Variants in CAP2 observed in about 807,000 individuals in gnomAD.
CAP2 encodes the protein cyclase associated actin cytoskeleton regulatory protein 2.
CAP2 carries 24 observed loss-of-function variants against 57.7 expected under a neutral mutation model. The observed-to-expected ratio is 0.42, with a 90% CI of 0.30 to 0.58. CAP2 has a LOEUF of 0.58. Among genes scored for constraint, CAP2 ranks in the 20% least tolerant of loss-of-function variants. The probability of loss-of-function intolerance (pLI) is 0.22; values close to 1 mark genes in which losing one functional copy is unlikely to be tolerated. For missense variants in CAP2, 501 were observed against 590.3 expected, an observed-to-expected ratio of 0.85 and a Z score of 1.57; for synonymous variants, 194 against 207.2, an observed-to-expected ratio of 0.94 and a Z score of 0.55.
intron 4 of CAP2, among the ~76,000 whole-genome samples, chr6:17,495,831 A>C (rs1203334581): frequency 6.6e-6 from 1 of 152,082 alleles, no homozygotes; most frequent in Non-Finnish European, 1.5e-5. Flanking sequence ...AATACAGAGA[A>C]AGAGACAGGA....
At chr6:17,443,145 G>A (rs147382487) in intron 3 of CAP2, among the ~76,000 whole-genome samples, 203 of 152,250 alleles carry the variant, frequency 1.3e-3, no homozygotes, top group African/African-American at 4.6e-3. Flanking sequence ...CTGGCTTCTC[G>A]GGAGACTGAA....
intron 7 of CAP2, among the ~76,000 whole-genome samples, chr6:17,518,771 G>C (rs1197100182): frequency 2.0e-5 from 3 of 152,022 alleles, no homozygotes; most frequent in Non-Finnish European, 4.4e-5. Context: ...CCGAGCAGCT[G>C]GGACTACAGG....
intron 7 of CAP2, among the ~76,000 whole-genome samples, chr6:17,519,824 T>C (rs16879771): frequency 0.15 from 22,580 of 152,190 alleles, 2,218 homozygotes; most frequent in East Asian, 0.35. Context: ...CAGACTATTA[T>C]CCTGTTCTAA....
chr6:17,405,678 G>T (rs1758944484), intron 1 of CAP2, among the ~76,000 whole-genome samples: 1 of 152,078 alleles, frequency 6.6e-6, no homozygotes, highest in South Asian at 2.1e-4. Flanking sequence ...GAAGTTTTTG[G>T]TCATGATTTC....
chr6:17,553,645 A>C (rs188875824), intron 12 of CAP2, among the ~76,000 whole-genome samples: 12 of 151,978 alleles, frequency 7.9e-5, no homozygotes, highest in Middle Eastern at 3.4e-3. Context: ...AAAAAAAAAA[A>C]AAACAAGATC....
rs1005541954 is a variant in CAP2, at chr6:17,513,007, T to G, written c.531-842T>G. On this transcript the variant is annotated intron_variant, in intron 6 of 12. Transcript: ENST00000229922. The surrounding 1 kb of genome is among the most constrained non-coding windows in gnomAD (Gnocchi z 4.3). ...TAAATTTTTCTTAACTCAAATGTCA[T>G]TATTTTTGCATTTACCTTGACTTCT... 3.3e-5 allele frequency among the ~76,000 whole-genome samples: 5 copies of G among 152,216 alleles called. No individual in the cohort carries two copies. The highest frequency in any genetic ancestry group is 7.3e-5 in the Non-Finnish European group (5 of 68,040).
chr6:17,554,946 G>T (rs962923341), intron 12 of CAP2, among the ~76,000 whole-genome samples: 1 of 152,184 alleles, frequency 6.6e-6, no homozygotes. Flanking sequence ...GTGTGTGTAC[G>T]TGTATTTTCC....
intron 7 of CAP2, among the ~76,000 whole-genome samples, chr6:17,529,636 G>A (rs574170584): frequency 2.0e-3 from 163 of 81,078 alleles, no homozygotes; most frequent in African/African-American, 6.5e-3. Flanking sequence ...GCAAGACTCC[G>A]TCTCAAAAAA....
intron 4 of CAP2, among the ~76,000 whole-genome samples, chr6:17,500,381 ATATTTGG>A (rs1761785631): frequency 8.0e-6 from 1 of 124,722 alleles, no homozygotes; most frequent in Non-Finnish European, 1.7e-5. Flanking sequence ...ATATATATAT[ATATTTGG>A]AGACGGAGTC....
intron 4 of CAP2, among the ~76,000 whole-genome samples, chr6:17,504,506 C>G (rs769479558): frequency 6.6e-6 from 1 of 152,168 alleles, no homozygotes; most frequent in African/African-American, 2.4e-5. Flanking sequence ...TTCTCAGCAC[C>G]CAGTATCGAG....
chr6:17,544,971 T>A (rs1485223192), intron 11 of CAP2, among the ~76,000 whole-genome samples: 2 of 152,208 alleles, frequency 1.3e-5, no homozygotes, highest in Admixed American at 1.3e-4. Context: ...GCCCGGTACT[T>A]CAAGGATGAT....
chr6:17,499,596 T>A (rs1431220604), intron 4 of CAP2, among the ~76,000 whole-genome samples: 1 of 152,008 alleles, frequency 6.6e-6, no homozygotes, highest in Non-Finnish European at 1.5e-5. Context: ...ACGCCTGTAA[T>A]CCCAGACTTT....
intron 11 of CAP2, among the ~76,000 whole-genome samples, chr6:17,550,091 G>A (rs1412283835): frequency 1.3e-5 from 2 of 152,022 alleles, no homozygotes; most frequent in East Asian, 3.9e-4. Context: ...TGAACCAGCC[G>A]GGTGCAGTGG....
In CAP2 at chr6:17,523,292, G is replaced by A. The variant is rs568616871; in HGVS notation, c.636+9338G>A. Among the ~76,000 whole-genome samples the A allele has an allele frequency of 3.3e-5, 5 of 152,266 alleles. 2 individuals carry two copies. The highest frequency in any genetic ancestry group is 1.2e-4 in the African/African-American group (5 of 41,552). ...CAATCTGGAAGTCTGGGAGAGAATC[G>A]TGGTAATATAAAAATAGGGAAATCG... On this transcript the variant is annotated intron_variant, in intron 7 of 12. Transcript: ENST00000229922.
At chr6:17,465,525 C>T (rs1419451690) in intron 4 of CAP2, among the ~76,000 whole-genome samples, 2 of 152,194 alleles carry the variant, frequency 1.3e-5, no homozygotes, top group Non-Finnish European at 2.9e-5. Context: ...CTTCTCTCTA[C>T]TTCCCTTTCC....
chr6:17,438,782 T>C (rs1172733778), intron 3 of CAP2, among the ~76,000 whole-genome samples: 1 of 22,394 alleles, frequency 4.5e-5, no homozygotes, highest in Non-Finnish European at 7.3e-5. Context: ...AACATATCTT[T>C]TTTTTTTATG....
At chr6:17,432,989 A>T (rs1442218082) in intron 3 of CAP2, among the ~76,000 whole-genome samples, 1 of 101,524 alleles carries the variant, frequency 9.8e-6, no homozygotes, top group African/African-American at 3.9e-5. Flanking sequence ...TCTCCCTTCC[A>T]TCCGTCCATC....
At chr6:17,545,006 A>T (rs1763008343) in intron 11 of CAP2, among the ~76,000 whole-genome samples, 1 of 152,246 alleles carries the variant, frequency 6.6e-6, no homozygotes, top group African/African-American at 2.4e-5. Flanking sequence ...ACCTAATGAG[A>T]CCACACTTTC....
At chr6:17,499,726 C>T (rs1761755554) in intron 4 of CAP2, among the ~76,000 whole-genome samples, 1 of 152,052 alleles carries the variant, frequency 6.6e-6, no homozygotes, top group Admixed American at 6.6e-5. Context: ...TGGCACATGC[C>T]TGTGGTTCCA....
Sources: gnomAD v4.1 joint callset for allele counts (sites outside exome capture counted in the v4.1 genomes callset) on GRCh38, gnomAD v4.1.1 for gene constraint, Gnocchi (gnomAD v3.1) non-coding constraint, MANE v1.5 for transcripts, NCBI Gene and HGNC (gene_info 2026-07-23, HGNC 2026-07-21) for gene names.